Variants in UGGT1 observed in about 807,000 individuals in gnomAD.
UGGT1 encodes the protein UDP-glucose:glycoprotein glucosyltransferase 1.
A neutral mutation model predicts 203.9 loss-of-function variants in UGGT1; 107 were observed. The observed-to-expected ratio is 0.52, with a 90% CI of 0.45 to 0.62. The LOEUF (loss-of-function observed/expected upper bound fraction) is 0.62. UGGT1 is among the 20% of genes least tolerant of loss of function. UGGT1 has a pLI of 0.00. For missense variants in UGGT1, 1,673 were observed against 1,867.2 expected, an observed-to-expected ratio of 0.90 and a Z score of 1.92; for synonymous variants, 628 against 653.5, an observed-to-expected ratio of 0.96 and a Z score of 0.59.
At chr2:128,091,950 T>TA (rs1359813172) in intron 1 of UGGT1, among the ~76,000 whole-genome samples, 1 of 152,182 alleles carries the variant, frequency 6.6e-6, no homozygotes, top group Non-Finnish European at 1.5e-5. Flanking sequence ...GCCAATAACT[T>TA]ATAGATGTGA....
At chr2:128,097,325 A>G in intron 1 of UGGT1, 104 bp from the exon 2 acceptor site, 1 of 1,350,168 alleles carries the variant, frequency 7.4e-7, no homozygotes, top group Non-Finnish European at 9.9e-7. Flanking sequence ...GCATGAGCCG[A>G]GATTGCACCA....
At chr2:128,120,509 C>T in intron 9 of UGGT1, 53 bp downstream of exon 9, 1 of 1,469,340 alleles carries the variant, frequency 6.8e-7, no homozygotes. Context: ...AGTTTTATGG[C>T]TTTAAAAAAT....
chr2:128,100,580 A>AT (rs1264351444), intron 2 of UGGT1, among the ~76,000 whole-genome samples: 2,867 of 88,332 alleles, frequency 0.032, 104 homozygotes, highest in African/African-American at 0.094. Context: ...CTAATTTTGT[A>AT]TTTTTTTTTT....
chr2:128,189,880 AT>A lies in UGGT1; in HGVS notation c.*140del. On this transcript the variant is annotated 3_prime_UTR_variant, in exon 41 of 41. Coordinates refer to ENST00000259253, the MANE Select transcript of UGGT1 (RefSeq NM_020120.4). The stretch of plus-strand genomic sequence containing the variant: ...CACACCTTTTGATTCTGAGCATTTG[AT>A]TCTGACTTCTGTACTCTGGTGGCCA... The A allele has an allele frequency of 1.1e-6, 1 of 936,974 alleles. No individual in the cohort carries two copies. The highest frequency in any genetic ancestry group is 1.6e-6 in the Non-Finnish European group (1 of 615,120). The allele number at this position is 936,974 out of a possible 1,614,324, so 58.0% of individuals were successfully genotyped here.
intron 20 of UGGT1, 144 bp from the exon 21 acceptor site, chr2:128,156,248 A>G (rs1690220031): frequency 3.0e-6 from 2 of 657,500 alleles, no homozygotes; most frequent in Non-Finnish European, 5.4e-6. Context: ...GGGTACTGGG[A>G]CAGCGCCATG....
At position 128,137,886 on chromosome 2, in the gene UGGT1, T is replaced by C. The variant is rs548646820; in HGVS notation, c.1584-831T>C. Among the ~76,000 whole-genome samples the C allele has an allele frequency of 4.6e-5, 7 of 152,354 alleles. No individual in the cohort carries two copies. In the South Asian group the frequency reaches 1.4e-3, roughly 32 times the overall value. On this transcript the variant is annotated intron_variant, in intron 15 of 40. Transcript: ENST00000259253. ...GCCCATCTATAGATACATAATAGTATCTCTGTGGTTAATTCCTTTATTTTA... is the reference window on the plus strand; with the variant it reads ...GCCCATCTATAGATACATAATAGTACCTCTGTGGTTAATTCCTTTATTTTA...
At chr2:128,093,749 T>A (rs1162398123) in intron 1 of UGGT1, among the ~76,000 whole-genome samples, 1 of 152,194 alleles carries the variant, frequency 6.6e-6, no homozygotes, top group African/African-American at 2.4e-5. Context: ...AGGTGTGGGT[T>A]CTAAGCACTG....
intron 15 of UGGT1, among the ~76,000 whole-genome samples, chr2:128,137,850 C>CT (rs1252425678): frequency 3.3e-5 from 5 of 152,046 alleles, no homozygotes; most frequent in African/African-American, 1.2e-4. Context: ...AGTGCAAAGT[C>CT]TTTTTTGCCA....
chr2:128,120,595 T>A, intron 9 of UGGT1, 139 bp downstream of exon 9: 1 of 684,580 alleles, frequency 1.5e-6, no homozygotes, highest in African/African-American at 1.8e-5. Flanking sequence ...AGTGATTAAT[T>A]ACGATTAATC....
At position 128,091,284 on chromosome 2, in the gene UGGT1, C is replaced by G. The variant is rs1386321767; in HGVS notation, c.-74C>G. 9 of 1,441,540 alleles carry G rather than the reference C, an allele frequency of 6.2e-6. No homozygotes were observed. Among genetic ancestry groups the G allele is most frequent in the African/African-American group, 1.5e-5 (1 of 67,876 alleles). 89.3% of individuals were successfully genotyped at this position (1,441,540 alleles called of 1,614,324 possible). ...CGGCCTCTCACTGGCGCAGCCTGCACTGCCGCTGCCGCCTCGCCCCGCCCT... is the reference window on the plus strand; with the variant it reads ...CGGCCTCTCACTGGCGCAGCCTGCAGTGCCGCTGCCGCCTCGCCCCGCCCT... On this transcript the variant is annotated 5_prime_UTR_variant, in exon 1 of 41. Coordinates refer to ENST00000259253, the MANE Select transcript of UGGT1 (RefSeq NM_020120.4).
At position 128,160,569 on chromosome 2, in the gene UGGT1, G is replaced by C. The variant is rs1558806393; in HGVS notation, c.2672G>C (p.Arg891Thr). 6.2e-7 allele frequency: 1 copy of C among 1,613,002 alleles called. No homozygotes were observed. Among genetic ancestry groups the C allele is most frequent in the African/African-American group, 1.3e-5 (1 of 74,840 alleles). The change falls in exon 24 of 41, where the codon AGG becomes ACG. Residue 891 changes from arginine (R) to threonine (T), a missense_variant. Around this residue, in one of 4 missense-constraint regions of UGGT1, gnomAD observed 1,073 missense variants for 1,078.7 expected, o/e 0.99. Transcript: ENST00000259253. ...RDVLKLKKGQ[R>T]AVISNGRIIG... ...GTTCTGAAGCTGAAGAAGGGACAGA[G>C]GGCAGTGATCAGCAATGGAAGGGTG...
At chr2:128,121,363 A>G (rs182135718) in intron 10 of UGGT1, 65 bp downstream of exon 10, 62 of 1,154,960 alleles carry the variant, frequency 5.4e-5, no homozygotes, top group Non-Finnish European at 7.4e-5. Context: ...CACTTGCCAA[A>G]TGAGGTAATA....
intron 3 of UGGT1, among the ~76,000 whole-genome samples, chr2:128,105,525 A>AT (rs1246582608): frequency 8.9e-6 from 1 of 112,762 alleles, no homozygotes; most frequent in African/African-American, 2.9e-5. Context: ...TATTTTATTT[A>AT]TTTTTTCGAG....
Position 128,190,422 on chromosome 2 carries a change from A to G in UGGT1, c.*680A>G, listed in dbSNP as rs1224871172. 6.6e-6 allele frequency: 1 copy of G among 152,230 alleles called. No homozygotes were observed. Among genetic ancestry groups the G allele is most frequent in the Non-Finnish European group, 1.5e-5 (1 of 68,066 alleles). 9.4% of individuals were successfully genotyped at this position (152,230 alleles called of 1,614,324 possible). ...GTAGGAAGGTTCGGGGGTTAAGGGAAGGGAAGGAAGACCAGAACTGGCCAT... is the reference window on the plus strand; with the variant it reads ...GTAGGAAGGTTCGGGGGTTAAGGGAGGGGAAGGAAGACCAGAACTGGCCAT... On this transcript the variant is annotated 3_prime_UTR_variant, in exon 41 of 41. Coordinates refer to ENST00000259253, the MANE Select transcript of UGGT1 (RefSeq NM_020120.4).
chr2:128,132,429 T>A (rs1318560282), intron 13 of UGGT1, among the ~76,000 whole-genome samples: 2 of 152,082 alleles, frequency 1.3e-5, no homozygotes, highest in Non-Finnish European at 2.9e-5. Flanking sequence ...GTGCCTGTAA[T>A]TCCAGCTACT....
At chr2:128,104,839 G>A (rs1321972443) in intron 3 of UGGT1, among the ~76,000 whole-genome samples, 4 of 151,920 alleles carry the variant, frequency 2.6e-5, no homozygotes, top group Non-Finnish European at 4.4e-5. Flanking sequence ...TAGAGATGGG[G>A]TTTCCCCATG....
At chr2:128,168,992 AAC>A (rs1690943233) in intron 26 of UGGT1, among the ~76,000 whole-genome samples, 3 of 137,314 alleles carry the variant, frequency 2.2e-5, no homozygotes, top group Non-Finnish European at 1.5e-5. Flanking sequence ...GGTTGCAGTG[AAC>A]CGAGATCACG....
intron 26 of UGGT1, among the ~76,000 whole-genome samples, chr2:128,169,631 C>T (rs1690990547): frequency 6.6e-6 from 1 of 152,218 alleles, no homozygotes; most frequent in Non-Finnish European, 1.5e-5. Context: ...AAAGCCATCT[C>T]TATGTCCAGC....
chr2:128,117,208 G>GC (rs1204786742), intron 8 of UGGT1, among the ~76,000 whole-genome samples: 3 of 151,976 alleles, frequency 2.0e-5, no homozygotes, highest in Non-Finnish European at 4.4e-5. Context: ...TCCTGCCTCA[G>GC]CCCCCTGAGT....
Sources: gnomAD v4.1 joint callset for allele counts (sites outside exome capture counted in the v4.1 genomes callset) on GRCh38, gnomAD v4.1.1 for gene constraint, gnomAD v4.1.1 regional missense constraint, MANE v1.5 for transcripts, NCBI Gene and HGNC (gene_info 2026-07-23, HGNC 2026-07-21) for gene names.